The following CLASP1 variants were observed in gnomAD, a reference collection of about 807,000 sequenced individuals.
CLASP1 encodes the protein cytoplasmic linker associated protein 1.
CLASP1 carries 38 observed loss-of-function variants against 192.3 expected under a neutral mutation model. The ratio of observed to expected loss-of-function variants is 0.20; its 90% CI spans 0.15 to 0.26. The LOEUF is 0.26. Ranked by LOEUF, CLASP1 falls within the 10% of genes least tolerant of loss-of-function variation. The probability of loss-of-function intolerance (pLI) is 1.00; values close to 1 mark genes in which losing one functional copy is unlikely to be tolerated. For synonymous variants in CLASP1, 691 were observed against 712.8 expected (o/e 0.97, Z 0.49); for missense variants, 1,433 against 1,932.5 (o/e 0.74, Z 4.85).
chr2:121,380,073 C>T (rs1574063213), intron 33 of CLASP1, among the ~76,000 whole-genome samples: 1 of 152,216 alleles, frequency 6.6e-6, no homozygotes, highest in South Asian at 2.1e-4. Flanking sequence ...TAACTGCTTA[C>T]CTCTAGGAGG....
intron 2 of CLASP1, among the ~76,000 whole-genome samples, chr2:121,582,765 T>C (rs960800287): frequency 1.3e-5 from 2 of 151,640 alleles, no homozygotes. Context: ...GGTGTTTTTC[T>C]TTTCTTTCTT....
intron 2 of CLASP1, among the ~76,000 whole-genome samples, chr2:121,589,998 A>C (rs951659843): frequency 1.3e-5 from 2 of 152,128 alleles, no homozygotes; most frequent in South Asian, 2.1e-4. Flanking sequence ...AATTTTCATC[A>C]ATCAGTTAAA....
At chr2:121,390,003 T>C (rs1383114476) in intron 30 of CLASP1, among the ~76,000 whole-genome samples, 2 of 152,032 alleles carry the variant, frequency 1.3e-5, no homozygotes, top group African/African-American at 2.4e-5. Flanking sequence ...GTCTCTGGAG[T>C]AGCTGGGATT....
intron 8 of CLASP1, among the ~76,000 whole-genome samples, chr2:121,502,598 A>G (rs1158308637): frequency 6.6e-6 from 1 of 152,224 alleles, no homozygotes; most frequent in Non-Finnish European, 1.5e-5. Context: ...TGGCTAGAGC[A>G]AAGAGAAATT....
chr2:121,632,127 C>T (rs1559825530), intron 1 of CLASP1, among the ~76,000 whole-genome samples: 1 of 151,926 alleles, frequency 6.6e-6, no homozygotes, highest in Non-Finnish European at 1.5e-5. Context: ...ACCTGTAGTC[C>T]CAGCTACCTG....
intron 37 of CLASP1, among the ~76,000 whole-genome samples, chr2:121,353,126 T>C (rs1484132439): frequency 1.3e-5 from 2 of 151,830 alleles, no homozygotes; most frequent in Non-Finnish European, 2.9e-5. Flanking sequence ...GCCCAGGAAT[T>C]TGAGACCAGC....
At chr2:121,451,707 G>A in intron 15 of CLASP1, 83 bp downstream of exon 15, 1 of 1,076,380 alleles carries the variant, frequency 9.3e-7, no homozygotes, top group Non-Finnish European at 1.4e-6. Context: ...CATTCTTACA[G>A]AAAGCCAGCT....
intron 2 of CLASP1, among the ~76,000 whole-genome samples, chr2:121,587,437 C>T (rs1437993861): frequency 6.6e-6 from 1 of 152,156 alleles, no homozygotes; most frequent in Non-Finnish European, 1.5e-5. Flanking sequence ...CTTAACACCT[C>T]ACCTCCCCTT....
intron 8 of CLASP1, among the ~76,000 whole-genome samples, chr2:121,502,874 G>A (rs2093804709): frequency 6.6e-6 from 1 of 152,232 alleles, no homozygotes; most frequent in Admixed American, 6.5e-5. Flanking sequence ...AAAATACCAT[G>A]ACAGCTTGTG....
chr2:121,471,403 G>A (rs1313205563), intron 8 of CLASP1, among the ~76,000 whole-genome samples: 3 of 152,038 alleles, frequency 2.0e-5, no homozygotes, highest in South Asian at 4.1e-4. Flanking sequence ...GCTAAACAAA[G>A]AACTTAAGAG....
intron 24 of CLASP1, among the ~76,000 whole-genome samples, chr2:121,409,844 C>T (rs912767775): frequency 2.0e-5 from 3 of 152,162 alleles, no homozygotes; most frequent in African/African-American, 7.2e-5. Flanking sequence ...AAAAGTCTTT[C>T]TATACATAAG....
chr2:121,544,039 T>C (rs187170579), intron 2 of CLASP1, among the ~76,000 whole-genome samples: 12 of 152,310 alleles, frequency 7.9e-5, no homozygotes, highest in African/African-American at 2.9e-4. Flanking sequence ...CGCGATTATG[T>C]GGCTTAAATA....
chr2:121,548,555 C>T (rs1485831285), intron 2 of CLASP1, among the ~76,000 whole-genome samples: 1 of 152,130 alleles, frequency 6.6e-6, no homozygotes, highest in East Asian at 1.9e-4. Flanking sequence ...TCAGGAAATA[C>T]AGAGAACTCC....
At chr2:121,359,258 G>C (rs186848327) in intron 37 of CLASP1, among the ~76,000 whole-genome samples, 262 of 152,308 alleles carry the variant, frequency 1.7e-3, no homozygotes, top group Non-Finnish European at 2.8e-3. Context: ...AATTTTAAAA[G>C]CATATTTCTA....
intron 1 of CLASP1, among the ~76,000 whole-genome samples, chr2:121,618,765 G>A (rs2066870325): frequency 6.6e-6 from 1 of 151,848 alleles, no homozygotes; most frequent in Non-Finnish European, 1.5e-5. Flanking sequence ...GAGTTCTCTA[G>A]CTCTGTAATT....
chr2:121,487,614 C>CCAA (rs919896028), intron 8 of CLASP1, among the ~76,000 whole-genome samples: 20 of 152,100 alleles, frequency 1.3e-4, no homozygotes, highest in Admixed American at 1.0e-3. Context: ...GAATATCTTT[C>CCAA]ATTTTGGGTT....
intron 2 of CLASP1, among the ~76,000 whole-genome samples, chr2:121,590,408 T>C (rs1437455083): frequency 1.3e-5 from 2 of 152,214 alleles, no homozygotes; most frequent in African/African-American, 2.4e-5. Context: ...TACAAATGTA[T>C]AGAAGAGAAT....
intron 19 of CLASP1, among the ~76,000 whole-genome samples, chr2:121,430,508 A>G (rs1184545895): frequency 1.3e-5 from 2 of 152,094 alleles, no homozygotes; most frequent in South Asian, 2.1e-4. Context: ...ATTTCCCATA[A>G]TTTTTTCCAG....
intron 4 of CLASP1, 47 bp from the exon 5 acceptor site, chr2:121,527,937 C>G: frequency 6.7e-7 from 1 of 1,482,910 alleles, no homozygotes; most frequent in Non-Finnish European, 9.4e-7. Context: ...ACTGCTGCAG[C>G]TGACACTTTA....
Sources: gnomAD v4.1 joint callset for allele counts (sites outside exome capture counted in the v4.1 genomes callset) on GRCh38, gnomAD v4.1.1 for gene constraint, MANE v1.5 for transcripts, NCBI Gene and HGNC (gene_info 2026-07-23, HGNC 2026-07-21) for gene names.